AP1M1: variants seen among roughly 807,000 people sequenced by gnomAD.
AP1M1 encodes the protein adaptor related protein complex 1 subunit mu 1, also known as AP-1 complex subunit mu-1.
AP1M1 carries 18 observed loss-of-function variants against 57.1 expected under a neutral mutation model. The ratio of observed to expected loss-of-function variants is 0.32; its 90% CI spans 0.22 to 0.47. AP1M1 has a LOEUF of 0.47. Ranked by LOEUF, AP1M1 falls within the 20% of genes least tolerant of loss-of-function variation. The pLI is 1.00. For synonymous variants in AP1M1, 241 were observed against 237.9 expected (o/e 1.01, Z -0.12); for missense variants, 362 against 593.5 (o/e 0.61, Z 4.05).
rs11557501 is a variant in AP1M1, at chr19:16,198,021, G to A, written c.-6G>A. 2.8e-6 allele frequency: 4 copies of A among 1,414,964 alleles called. No individual in the cohort carries two copies. Among genetic ancestry groups the A allele is most frequent in the Non-Finnish European group, 3.7e-6 (4 of 1,082,536 alleles). The allele number at this position is 1,414,964 out of a possible 1,614,324, so 87.7% of individuals were successfully genotyped here. ...TCGGCCGCTGCCGAGGCCTCCTGCAGCCATCATGTCCGCCAGCGCCGTCTA... is the reference window on the plus strand; with the variant it reads ...TCGGCCGCTGCCGAGGCCTCCTGCAACCATCATGTCCGCCAGCGCCGTCTA... On this transcript the variant is annotated 5_prime_UTR_variant, in exon 1 of 12. Transcript: ENST00000291439.
chr19:16,245,138 C>G lies in AP1M1; in HGVS notation c.*10703C>G, dbSNP rs1459313830. ...CTCAAACTCCCGACCTCAGGTGATC[C>G]GCCCGCCTCGGCCTCCCAAAGTGCT... On this transcript the variant is annotated 3_prime_UTR_variant, in exon 12 of 12. Coordinates refer to ENST00000291439, the MANE Select transcript of AP1M1 (RefSeq NM_032493.4). 1 of 152,160 alleles carries G rather than the reference C, an allele frequency of 6.6e-6. No homozygotes were observed. Among genetic ancestry groups the G allele is most frequent in the East Asian group, 1.9e-4 (1 of 5,142 alleles). 9.4% of individuals were successfully genotyped at this position (152,160 alleles called of 1,614,324 possible). A position where few individuals can be genotyped will look rare whatever the true frequency, so the allele number is the denominator to read the frequency against.
intron 5 of AP1M1, among the ~76,000 whole-genome samples, chr19:16,223,897 C>T (rs569582893): frequency 1.9e-4 from 29 of 152,344 alleles, no homozygotes; most frequent in African/African-American, 5.3e-4. Context: ...TTTGTGTTCA[C>T]GCTGGCCTCA....
Position 16,243,237 on chromosome 19 carries a change from T to A in AP1M1, c.*8802T>A, listed in dbSNP as rs972655869. 3 of 144,502 alleles carry A rather than the reference T, an allele frequency of 2.1e-5. No individual in the cohort carries two copies. Among genetic ancestry groups the A allele is most frequent in the Non-Finnish European group, 4.5e-5 (3 of 66,230 alleles). The allele number at this position is 144,502 out of a possible 1,614,324, so 9.0% of individuals were successfully genotyped here. On this transcript the variant is annotated 3_prime_UTR_variant, in exon 12 of 12. Coordinates refer to ENST00000291439, the MANE Select transcript of AP1M1 (RefSeq NM_032493.4). ...AATTACTTTAAAATATTTCCAAATATGAGAGGTTTTTTTTGTTTTTGTTTT... is the reference window on the plus strand; with the variant it reads ...AATTACTTTAAAATATTTCCAAATAAGAGAGGTTTTTTTTGTTTTTGTTTT...
chr19:16,228,681 C>T lies in AP1M1; in HGVS notation c.889-89C>T, dbSNP rs975893894. 2.9e-5 allele frequency: 43 copies of T among 1,498,348 alleles called. No individual in the cohort carries two copies. Among genetic ancestry groups the T allele is most frequent in the East Asian group, 4.7e-5 (2 of 43,006 alleles). 92.8% of individuals were successfully genotyped at this position (1,498,348 alleles called of 1,614,324 possible). The stretch of plus-strand genomic sequence containing the variant: ...AGGGGCGGGGCTAGGGAGGATCCCC[C>T]GGGCCAGGCTGAGGGGCATGTGTCC... On this transcript the variant is annotated intron_variant, in intron 8 of 11. Transcript: ENST00000291439. This position sits in a 1 kb window ranked among gnomAD's most constrained non-coding sequence, Gnocchi z 5.0.
At chr19:16,212,331 G>A (rs1374826039) in intron 5 of AP1M1, among the ~76,000 whole-genome samples, 2 of 152,188 alleles carry the variant, frequency 1.3e-5, no homozygotes, top group Non-Finnish European at 2.9e-5. Context: ...CATCTTGGAA[G>A]GGTATATGTG....
chr19:16,236,204 C>T lies in AP1M1; in HGVS notation c.*1769C>T, dbSNP rs148962758. 1,559 of 152,598 alleles carry T rather than the reference C, an allele frequency of 0.01. 16 individuals are homozygous for T. Among genetic ancestry groups the T allele is most frequent in the Non-Finnish European group, 0.014 (985 of 68,226 alleles). The allele number at this position is 152,598 out of a possible 1,614,324, so 9.5% of individuals were successfully genotyped here. A position where few individuals can be genotyped will look rare whatever the true frequency, so the allele number is the denominator to read the frequency against. ...GGCCTAGCTCCAGTGTGGGCTGTCA[C>T]TGTCCCCACCCTGTGGAGCCCCCAT... On this transcript the variant is annotated 3_prime_UTR_variant, in exon 12 of 12. Transcript: ENST00000291439.
intron 5 of AP1M1, among the ~76,000 whole-genome samples, chr19:16,211,072 G>A (rs989615348): frequency 6.7e-6 from 1 of 149,808 alleles, no homozygotes; most frequent in African/African-American, 2.4e-5. Flanking sequence ...CCCCCAGTCT[G>A]TAGCTTATCT....
rs2091642785 is a variant in AP1M1, at chr19:16,240,735, C to CTTT, written c.*6300_*6301insTTT. On this transcript the variant is annotated 3_prime_UTR_variant, in exon 12 of 12. Coordinates refer to ENST00000291439, the MANE Select transcript of AP1M1 (RefSeq NM_032493.4). ...AAAGTGCTGGGATTACAGGCATGAG[C>CTTT]CACTGCGCCCAGCCTGAAAATCTTG... The CTTT allele has an allele frequency of 1.3e-5, 2 of 152,236 alleles. No individual in the cohort carries two copies. Among genetic ancestry groups the CTTT allele is most frequent in the African/African-American group, 2.4e-5 (1 of 41,544 alleles). The allele number at this position is 152,236 out of a possible 1,614,324, so 9.4% of individuals were successfully genotyped here.
chr19:16,243,958 AG>A lies in AP1M1; in HGVS notation c.*9524del, dbSNP rs2091654080. 1 of 152,214 alleles carries A rather than the reference AG, an allele frequency of 6.6e-6. No individual in the cohort carries two copies. Among genetic ancestry groups the A allele is most frequent in the African/African-American group, 2.4e-5 (1 of 41,452 alleles). The allele number at this position is 152,214 out of a possible 1,614,324, so 9.4% of individuals were successfully genotyped here. ...AGTCTGTCTCCAAATAAATAATTAG[AG>A]AATATTTTTCAATCTGGATGCAGGT... On this transcript the variant is annotated 3_prime_UTR_variant, in exon 12 of 12. Coordinates refer to ENST00000291439, the MANE Select transcript of AP1M1 (RefSeq NM_032493.4).
In AP1M1 at chr19:16,239,239, C is replaced by CTCTTTT. The variant is rs2091636504; in HGVS notation, c.*4805_*4806insCTTTTT. 5.1e-5 allele frequency: 2 copies of CTCTTTT among 39,232 alleles called. No individual in the cohort carries two copies. The highest frequency in any genetic ancestry group is 1.8e-4 in the African/African-American group (2 of 11,246). 2.4% of individuals were successfully genotyped at this position (39,232 alleles called of 1,614,324 possible). A position where few individuals can be genotyped will look rare whatever the true frequency, so the allele number is the denominator to read the frequency against. ...TGAGCCACCGCGCCCGGCCAGTTCT[C>CTCTTTT]TTTTTTTTTTTTTTTTTTTTTTTTT... On this transcript the variant is annotated 3_prime_UTR_variant, in exon 12 of 12. Transcript: ENST00000291439.
chr19:16,244,645 A>T lies in AP1M1; in HGVS notation c.*10210A>T, dbSNP rs1383215905. On this transcript the variant is annotated 3_prime_UTR_variant, in exon 12 of 12. Transcript: ENST00000291439. The stretch of plus-strand genomic sequence containing the variant: ...GGAGATCGAGACCATCCTGGCTAAC[A>T]CGGTGAAACCCCGTCTCTACTAAAA... 6.6e-6 allele frequency: 1 copy of T among 151,988 alleles called. No homozygotes were observed. Among genetic ancestry groups the T allele is most frequent in the African/African-American group, 2.4e-5 (1 of 41,406 alleles). 9.4% of individuals were successfully genotyped at this position (151,988 alleles called of 1,614,324 possible).
rs1329252192 is a variant in AP1M1, at chr19:16,227,959, C to G, written c.817-178C>G. ...TTGCCCCAAGGCCTCCCCGGTAGCTCCCGGCTACCTCGGCCTGTCTGCCCT... is the reference window on the plus strand; with the variant it reads ...TTGCCCCAAGGCCTCCCCGGTAGCTGCCGGCTACCTCGGCCTGTCTGCCCT... On this transcript the variant is annotated intron_variant, in intron 7 of 11. Transcript: ENST00000291439. This position sits in a 1 kb window ranked among gnomAD's most constrained non-coding sequence, Gnocchi z 6.2. Among the ~76,000 whole-genome samples, 2 of 152,210 alleles carry G rather than the reference C, an allele frequency of 1.3e-5. No homozygotes were observed. The highest frequency in any genetic ancestry group is 4.8e-5 in the African/African-American group (2 of 41,458).
At position 16,206,009 on chromosome 19, in the gene AP1M1, G is replaced by A. The variant is rs1316564700; in HGVS notation, c.200-332G>A. On this transcript the variant is annotated intron_variant, in intron 2 of 11. Coordinates refer to ENST00000291439, the MANE Select transcript of AP1M1 (RefSeq NM_032493.4). The surrounding 1 kb of genome is among the most constrained non-coding windows in gnomAD (Gnocchi z 4.3). ...GCAGGGCCAGTGTGTCCTGCTTTCT[G>A]CTCCTGGAATGAGCCTCACTCCCTC... 1.3e-5 allele frequency among the ~76,000 whole-genome samples: 2 copies of A among 152,088 alleles called. No individual in the cohort carries two copies. The highest frequency in any genetic ancestry group is 4.8e-5 in the African/African-American group (2 of 41,392).
intron 5 of AP1M1, among the ~76,000 whole-genome samples, chr19:16,215,214 A>AGGGGG (rs1262651842): frequency 3.9e-4 from 1 of 2,578 alleles, no homozygotes; most frequent in African/African-American, 6.7e-4. Context: ...GGGGGGGGAG[A>AGGGGG]GGGGGGAGGG....
chr19:16,224,775 G>A (rs537316502), intron 5 of AP1M1, among the ~76,000 whole-genome samples: 15 of 152,298 alleles, frequency 9.8e-5, no homozygotes, highest in Middle Eastern at 3.4e-3. Context: ...ATTAGGGGCC[G>A]TCACAGTGGA....
In AP1M1 at chr19:16,206,559, C is replaced by T; in HGVS notation, c.267+151C>T. 1.4e-6 allele frequency: 1 copy of T among 738,586 alleles called. No individual in the cohort carries two copies. Among genetic ancestry groups the T allele is most frequent in the Admixed American group, 2.2e-5 (1 of 45,772 alleles). The allele number at this position is 738,586 out of a possible 1,614,324, so 45.8% of individuals were successfully genotyped here. On this transcript the variant is annotated intron_variant, in intron 3 of 11. Transcript: ENST00000291439. This position sits in a 1 kb window ranked among gnomAD's most constrained non-coding sequence, Gnocchi z 4.3. ...CCCAGGAAGTGGGAAAGGGGAGTCC[C>T]AACTCCCCACGCCTGTGGAATTCTA...
intron 5 of AP1M1, among the ~76,000 whole-genome samples, chr19:16,224,655 C>G (rs1177120719): frequency 2.0e-5 from 3 of 152,268 alleles, no homozygotes; most frequent in African/African-American, 7.2e-5. Context: ...AGCTTTTCAG[C>G]TCCACTCCCT....
At chr19:16,231,749 C>T (rs1384300105) in intron 9 of AP1M1, among the ~76,000 whole-genome samples, 1 of 152,194 alleles carries the variant, frequency 6.6e-6, no homozygotes, top group African/African-American at 2.4e-5. Context: ...AACGAGTGCA[C>T]AAATACCTCT....
At chr19:16,201,759 T>G (rs1246022061) in intron 1 of AP1M1, among the ~76,000 whole-genome samples, 1 of 152,112 alleles carries the variant, frequency 6.6e-6, no homozygotes, top group Non-Finnish European at 1.5e-5. Flanking sequence ...AAGAGCCAGG[T>G]CAGGGCAAAG....
Sources: allele counts gnomAD v4.1 joint callset (sites outside exome capture counted in the v4.1 genomes callset), GRCh38; gene constraint gnomAD v4.1.1; non-coding constraint Gnocchi (gnomAD v3.1); transcripts MANE v1.5; gene names NCBI Gene and HGNC (gene_info 2026-07-23, HGNC 2026-07-21).